IMPG1: variants seen among roughly 807,000 people sequenced by gnomAD.
The protein encoded by IMPG1 is interphotoreceptor matrix proteoglycan 1.
Under a neutral mutation model 92.0 loss-of-function variants are expected in IMPG1, and 85 were observed. That is an observed-to-expected ratio of 0.92 (90% CI 0.78 to 1.11). The LOEUF (loss-of-function observed/expected upper bound fraction) is 1.11, where lower values mean the gene tolerates loss of function less well. Among genes scored for constraint, IMPG1 ranks in the 50% least tolerant of loss-of-function variants. The pLI is 0.00. For synonymous variants in IMPG1, 367 were observed against 334.1 expected (o/e 1.10, Z -1.08); for missense variants, 1,022 against 956.0 (o/e 1.07, Z -0.91).
chr6:76,030,640 G>A (rs568794676), intron 4 of IMPG1, among the ~76,000 whole-genome samples: 9 of 152,250 alleles, frequency 5.9e-5, no homozygotes, highest in Non-Finnish European at 1.2e-4. Context: ...GGCAAAAAGG[G>A]CCATCAGACT....
At chr6:76,013,220 AT>A (rs764001274) in intron 7 of IMPG1, among the ~76,000 whole-genome samples, 1 of 152,020 alleles carries the variant, frequency 6.6e-6, no homozygotes, top group Non-Finnish European at 1.5e-5. Context: ...ATTGAACAAG[AT>A]CCAACTGTTT....
intron 13 of IMPG1, among the ~76,000 whole-genome samples, chr6:75,949,798 T>C (rs374155021): frequency 1.3e-4 from 20 of 152,238 alleles, no homozygotes; most frequent in African/African-American, 4.8e-4. Context: ...ACTTGAGAAA[T>C]TGGGTTTCAT....
At chr6:76,038,841 A>AG (rs1783787364) in intron 2 of IMPG1, among the ~76,000 whole-genome samples, 1 of 152,240 alleles carries the variant, frequency 6.6e-6, no homozygotes, top group African/African-American at 2.4e-5. Flanking sequence ...GAAGAACCCC[A>AG]GGGAGCACAT....
rs202002730 is a variant in IMPG1, at chr6:75,974,245, ACTTT to A, written c.1292-23155_1292-23152del. Reference sequence around the variant, plus strand: ...AACACTGAAGGTATTTTTAATGAGGACTTTCTTTCTTTCTTTCTCTCTCTTTCTT... The same window carrying A: ...AACACTGAAGGTATTTTTAATGAGGACTTTCTTTCTTTCTCTCTCTTTCTT... On this transcript the variant is annotated intron_variant, in intron 12 of 16. Coordinates refer to ENST00000369950, the MANE Select transcript of IMPG1 (RefSeq NM_001563.4). 8.8e-3 allele frequency among the ~76,000 whole-genome samples: 1,331 copies of A among 151,632 alleles called. 18 individuals carry two copies. Among genetic ancestry groups the A allele is most frequent in the African/African-American group, 0.028 (1,144 of 41,356 alleles).
chr6:76,026,549 C>T (rs2149485288), intron 4 of IMPG1, among the ~76,000 whole-genome samples: 1 of 152,320 alleles, frequency 6.6e-6, no homozygotes, highest in African/African-American at 2.4e-5. Flanking sequence ...GTCCAAGGGT[C>T]CCACACAGCT....
At chr6:75,924,691 TAA>T (rs1562335193) in intron 15 of IMPG1, among the ~76,000 whole-genome samples, 2 of 156 alleles carry the variant, frequency 0.013, no homozygotes, top group South Asian at 0.5. Context: ...ATATTATATA[TAA>T]ATAATTATAT....
At position 76,005,513 on chromosome 6, in the gene IMPG1, T is replaced by C; in HGVS notation, c.909A>G (p.Gln303=). The C allele has an allele frequency of 6.2e-7, 1 of 1,613,996 alleles. No individual in the cohort carries two copies. The highest frequency in any genetic ancestry group is 1.1e-5 in the South Asian group (1 of 91,072). ...EKDGSSSTEM[Q]LTAIFKRHSA... is the part of the protein sequence containing the mutation. Reference sequence around the variant, plus strand: ...TGTGTCTCTTAAAGATGGCCGTAAGTTGCATCTCTGTGGAGCTTGAGCTGT... The same window carrying C: ...TGTGTCTCTTAAAGATGGCCGTAAGCTGCATCTCTGTGGAGCTTGAGCTGT... Residue 303 remains glutamine (Q), a synonymous_variant, in exon 10 of 17, where the codon CAA becomes CAG. Transcript: ENST00000369950.
intron 1 of IMPG1, among the ~76,000 whole-genome samples, chr6:76,055,467 A>G (rs1474591311): frequency 6.6e-6 from 1 of 152,040 alleles, no homozygotes; most frequent in East Asian, 1.9e-4. Context: ...AAAGCTAAGT[A>G]TTAATGACCT....
chr6:76,028,934 T>TA (rs1783603622), intron 4 of IMPG1, among the ~76,000 whole-genome samples: 1 of 152,256 alleles, frequency 6.6e-6, no homozygotes, highest in South Asian at 2.1e-4. Context: ...ATTCTTAACT[T>TA]ACGGCAATAT....
At chr6:75,965,176 T>G (rs1308479674) in intron 12 of IMPG1, among the ~76,000 whole-genome samples, 3 of 152,222 alleles carry the variant, frequency 2.0e-5, no homozygotes, top group African/African-American at 7.2e-5. Flanking sequence ...GCACAGGTTT[T>G]TATGTGAGCA....
chr6:76,007,537 A>G (rs774447484), intron 8 of IMPG1, 37 bp from the exon 9 acceptor site: 1 of 1,493,972 alleles, frequency 6.7e-7, no homozygotes, highest in Non-Finnish European at 9.2e-7. Flanking sequence ...CATGAAAAAG[A>G]GAAAAAAATT....
At chr6:75,974,412 C>CCTTG (rs1562354971) in intron 12 of IMPG1, among the ~76,000 whole-genome samples, 4 of 125,956 alleles carry the variant, frequency 3.2e-5, no homozygotes, top group African/African-American at 8.9e-5. Context: ...TTCCTTCCTT[C>CCTTG]CTTCCTTCCT....
chr6:76,032,639 A>G (rs1483063189), intron 4 of IMPG1, among the ~76,000 whole-genome samples: 1 of 152,206 alleles, frequency 6.6e-6, no homozygotes, highest in African/African-American at 2.4e-5. Context: ...CAAACAGAGT[A>G]CAAAGTTCAA....
intron 7 of IMPG1, among the ~76,000 whole-genome samples, chr6:76,016,995 G>GGAGA (rs1783300327): frequency 6.6e-6 from 1 of 152,154 alleles, no homozygotes; most frequent in Admixed American, 6.5e-5. Context: ...AGTGAGCCCA[G>GGAGA]GAGAGACACT....
At chr6:75,979,704 T>C (rs1782597132) in intron 12 of IMPG1, among the ~76,000 whole-genome samples, 1 of 152,194 alleles carries the variant, frequency 6.6e-6, no homozygotes, top group Admixed American at 6.5e-5. Context: ...ACACAGACTG[T>C]AGAAGTTTTG....
At chr6:76,027,243 T>A (rs1031695877) in intron 4 of IMPG1, among the ~76,000 whole-genome samples, 2 of 152,242 alleles carry the variant, frequency 1.3e-5, no homozygotes, top group African/African-American at 2.4e-5. Context: ...CTAAGTGTTT[T>A]GAGGTTATAA....
chr6:76,000,442 T>C, intron 12 of IMPG1, among the ~76,000 whole-genome samples: 1 of 152,244 alleles, frequency 6.6e-6, no homozygotes, highest in African/African-American at 2.4e-5. Context: ...CTTTCCATTC[T>C]TTAAAACAAA....
intron 15 of IMPG1, 71 bp downstream of exon 15, chr6:75,930,882 T>G: frequency 7.5e-7 from 1 of 1,337,970 alleles, no homozygotes. Context: ...ATGAATTTAC[T>G]CTAATGATGG....
chr6:75,992,086 G>C (rs1294419516), intron 12 of IMPG1, among the ~76,000 whole-genome samples: 2 of 152,208 alleles, frequency 1.3e-5, no homozygotes, highest in Non-Finnish European at 2.9e-5. Context: ...CATCCAATTA[G>C]CTAAAGGCCT....
Sources: allele counts gnomAD v4.1 joint callset (sites outside exome capture counted in the v4.1 genomes callset), GRCh38; gene constraint gnomAD v4.1.1; transcripts MANE v1.5; gene names NCBI Gene and HGNC (gene_info 2026-07-23, HGNC 2026-07-21).